NCSTN: variants seen among roughly 807,000 people sequenced by gnomAD.
The protein encoded by NCSTN is nicastrin, also known as anterior pharynx-defective 2.
In NCSTN, 22 loss-of-function variants were observed where a neutral mutation model predicts 87.0. The ratio of observed to expected loss-of-function variants is 0.25; its 90% confidence interval spans 0.18 to 0.36. NCSTN has a LOEUF of 0.36. NCSTN is among the 10% of genes least tolerant of loss of function. NCSTN has a pLI of 1.00. For missense variants in NCSTN, 693 were observed against 883.3 expected, an observed-to-expected ratio of 0.78 and a Z score of 2.73; for synonymous variants, 306 against 327.1, an observed-to-expected ratio of 0.94 and a Z score of 0.69.
chr1:160,349,390 C>A (rs1571202683), intron 3 of NCSTN, 159 bp from the exon 4 acceptor site: 1 of 1,134,678 alleles, frequency 8.8e-7, no homozygotes, highest in Non-Finnish European at 1.3e-6. Flanking sequence ...CTTTTTAGAG[C>A]AGATCATTGT....
rs755493588 is a variant in NCSTN, at chr1:160,349,452, T to C, written c.315-97T>C. The stretch of plus-strand genomic sequence containing the variant: ...GGGAAGAAATAAGTCAACAGTTTGA[T>C]TCCCCTAGTTCCCCATTTGTTTCCA... On this transcript the variant is annotated intron_variant, in intron 3 of 16. Transcript: ENST00000294785. The C allele has an allele frequency of 2.0e-6, 3 of 1,485,964 alleles. No homozygotes were observed. The East Asian group carries it at 6.8e-5, about 34-fold the overall frequency. The allele number at this position is 1,485,964 out of a possible 1,614,324, so 92.0% of individuals were successfully genotyped here.
intron 5 of NCSTN, 131 bp from the exon 6 acceptor site, chr1:160,351,091 T>C: frequency 1.1e-6 from 1 of 927,956 alleles, no homozygotes; most frequent in Non-Finnish European, 1.7e-6. Flanking sequence ...TAACTATAGC[T>C]CAGGGATAAA....
Position 160,355,972 on chromosome 1 carries a change from C to A in NCSTN, c.1551+14C>A. The A allele has an allele frequency of 6.3e-7, 1 of 1,598,046 alleles. No homozygotes were observed. The highest frequency in any genetic ancestry group is 8.6e-7 in the Non-Finnish European group (1 of 1,165,832). On this transcript the variant is annotated intron_variant, in intron 13 of 16. Transcript: ENST00000294785. The stretch of plus-strand genomic sequence containing the variant: ...GATCCCCAAACGGTAAGCAGATGGG[C>A]CCTAGCTCCTTCTTTCTATTTACAC...
At chr1:160,344,578 G>T in intron 1 of NCSTN, 144 bp from the exon 2 acceptor site, 1 of 1,552,000 alleles carries the variant, frequency 6.4e-7, no homozygotes, top group Non-Finnish European at 8.7e-7. Flanking sequence ...GTGTGCCCAA[G>T]AAATCAGAAG....
rs143074071 is a variant in NCSTN, at chr1:160,343,685, G to T, written c.85+204G>T. The T allele has an allele frequency of 4.2e-6, 3 of 715,142 alleles. No homozygotes were observed. The East Asian group carries it at 8.1e-5, about 19-fold the overall frequency. The allele number at this position is 715,142 out of a possible 1,614,324, so 44.3% of individuals were successfully genotyped here. On this transcript the variant is annotated intron_variant, in intron 1 of 16. Transcript: ENST00000294785. ...CTTCTCCCCCGCAGCACGTCGTGTC[G>T]CTTCACTCCCTTCTCTAGGCCTCTT...
At chr1:160,350,386 A>G in intron 5 of NCSTN, 136 bp downstream of exon 5, 1 of 912,840 alleles carries the variant, frequency 1.1e-6, no homozygotes, top group Non-Finnish European at 1.7e-6. Context: ...CGGGAGGCAG[A>G]GGTTTCAGTG....
rs902796103 is a variant in NCSTN at position 160,357,064 on chromosome 1, G to A, written c.1818G>A (p.Gln606=). ...AGCTGTATGAGTACTCATGGGTCCA[G>A]GGCCCTTTGCATTCTAATGAGACGG... ...NKDLYEYSWV[Q]GPLHSNETDR... The change falls in exon 16 of 17, where the codon CAG becomes CAA. Residue 606 remains glutamine, a synonymous_variant. Transcript: ENST00000294785. 8.7e-6 allele frequency: 14 copies of A among 1,613,876 alleles called. No homozygotes were observed. The highest frequency in any genetic ancestry group is 2.2e-5 in the East Asian group (1 of 44,894).
intron 3 of NCSTN, 50 bp downstream of exon 3, chr1:160,349,172 C>T (rs756899915): frequency 6.2e-7 from 1 of 1,609,600 alleles, no homozygotes; most frequent in East Asian, 2.2e-5. Flanking sequence ...GGGAAAGTTT[C>T]AGTGAACAGT....
intron 16 of NCSTN, 86 bp from the exon 17 acceptor site, chr1:160,358,063 G>A: frequency 6.3e-7 from 1 of 1,585,112 alleles, no homozygotes; most frequent in Non-Finnish European, 8.7e-7. Flanking sequence ...GAATTCCCAT[G>A]GCTCCAAACC....
At chr1:160,345,268 C>T (rs546731273) in intron 2 of NCSTN, 6 of 256,570 alleles carry the variant, frequency 2.3e-5, no homozygotes, top group South Asian at 8.1e-5. Context: ...TCTCGGCTCA[C>T]GGTGACCTCT....
Position 160,349,798 on chromosome 1 carries a change from CAG to C in NCSTN, c.436+129_436+130del, listed in dbSNP as rs934135678. 1.5e-4 allele frequency: 199 copies of C among 1,334,312 alleles called. 1 individual carries two copies. Among genetic ancestry groups the C allele is most frequent in the South Asian group, 4.5e-4 (37 of 82,888 alleles). The allele number at this position is 1,334,312 out of a possible 1,614,324, so 82.7% of individuals were successfully genotyped here. On this transcript the variant is annotated intron_variant, in intron 4 of 16. Coordinates refer to ENST00000294785, the MANE Select transcript of NCSTN (RefSeq NM_015331.3). ...GTAGTGTCAGTAACTGACTCCCAAA[CAG>C]GGGGTAGTGTTTATTTGTCTTTGCT...
At position 160,344,806 on chromosome 1, in the gene NCSTN, C is replaced by T. The variant is rs761996747; in HGVS notation, c.170C>T (p.Thr57Ile). Reference sequence around the variant, plus strand: ...CCCTGTGTTCGCCTGCTCAACGCCACTCATCAGATTGGCTGCCAGTGTGAG... The same window carrying T: ...CCCTGTGTTCGCCTGCTCAACGCCATTCATCAGATTGGCTGCCAGTGTGAG... ...TAPCVRLLNA[T>I]HQIGCQSSIS... Residue 57 changes from threonine to isoleucine, a missense_variant, in exon 2 of 17, where the codon ACT (threonine) becomes ATT (isoleucine). Thr to Ile is a moderately conservative substitution (Grantham distance 89). Around this residue, in one of 4 missense-constraint regions of NCSTN, gnomAD observed 235 missense variants for 233.9 expected, o/e 1.00. Transcript: ENST00000294785. 3 of 1,613,664 alleles carry T rather than the reference C, an allele frequency of 1.9e-6. No homozygotes were observed. The highest frequency in any genetic ancestry group is 2.2e-5 in the South Asian group (2 of 91,050).
chr1:160,349,131 T>C lies in NCSTN; in HGVS notation c.314+9T>C. The C allele has an allele frequency of 6.2e-7, 1 of 1,614,136 alleles. No individual in the cohort carries two copies. The highest frequency in any genetic ancestry group is 8.5e-7 in the Non-Finnish European group (1 of 1,179,968). On this transcript the variant is annotated intron_variant, in intron 3 of 16. Transcript: ENST00000294785. ...AGCAAGCATTTTACCAGGTAAGAAC[T>C]AGATGTATCTGCTGGGAAAACATCC... is the stretch of plus-strand genomic sequence containing the variant.
intron 10 of NCSTN, 175 bp downstream of exon 10, chr1:160,353,412 G>T: frequency 1.3e-6 from 2 of 1,502,466 alleles, no homozygotes; most frequent in Non-Finnish European, 1.8e-6. Flanking sequence ...GGAAGAATCA[G>T]GAACTCAGTG....
At chr1:160,352,678 T>C (rs1211435473) in intron 8 of NCSTN, among the ~76,000 whole-genome samples, 1 of 152,200 alleles carries the variant, frequency 6.6e-6, no homozygotes, top group Non-Finnish European at 1.5e-5. Flanking sequence ...ATTTCTGGGC[T>C]TCAGAAGTCT....
At chr1:160,350,453 CAAA>C (rs5778159) in intron 5 of NCSTN, among the ~76,000 whole-genome samples, 30 of 98,172 alleles carry the variant, frequency 3.1e-4, no homozygotes, top group Admixed American at 2.2e-4. Flanking sequence ...CCCTGTGTCA[CAAA>C]AAAAAAAAAA....
intron 5 of NCSTN, 90 bp from the exon 6 acceptor site, chr1:160,351,132 A>G: frequency 7.3e-7 from 1 of 1,375,958 alleles, no homozygotes; most frequent in South Asian, 1.2e-5. Flanking sequence ...CTCCATCCCA[A>G]AAGGATGGAA....
intron 1 of NCSTN, chr1:160,343,744 T>G (rs1648258865): frequency 1.5e-6 from 1 of 684,456 alleles, no homozygotes; most frequent in Non-Finnish European, 2.7e-6. Flanking sequence ...TCCCACTTTG[T>G]CCAGATGTCT....
In NCSTN at chr1:160,355,794, C is replaced by T. The variant is rs111918029; in HGVS notation, c.1455+37C>T. On this transcript the variant is annotated intron_variant, in intron 12 of 16. Coordinates refer to ENST00000294785, the MANE Select transcript of NCSTN (RefSeq NM_015331.3). ...CCAGGCTGGGTGGGAGCCTGGGGCA[C>T]ACAGTGAAGATGCTAGCATTTGAGG... The T allele has an allele frequency of 2.4e-4, 389 of 1,602,414 alleles. 6 individuals carry two copies. The Middle Eastern group carries it at 5.3e-3, about 22-fold the overall frequency.
Sources: gnomAD v4.1 joint callset for allele counts (sites outside exome capture counted in the v4.1 genomes callset) on GRCh38, gnomAD v4.1.1 for gene constraint, gnomAD v4.1.1 regional missense constraint, MANE v1.5 for transcripts, NCBI Gene and HGNC (gene_info 2026-07-23, HGNC 2026-07-21) for gene names.